The following LRBA variants were observed in gnomAD, a reference collection of about 807,000 sequenced individuals.
LRBA encodes lipopolysaccharide-responsive and beige-like anchor protein.
Under a neutral mutation model 330.0 loss-of-function variants are expected in LRBA, and 176 were observed. The ratio of observed to expected loss-of-function variants is 0.53; its 90% CI spans 0.47 to 0.60. The LOEUF is 0.60. Among genes scored for constraint, LRBA ranks in the 20% least tolerant of loss-of-function variants. The pLI is 0.00. For synonymous variants in LRBA, 1,230 were observed against 1,193.0 expected, an observed-to-expected ratio of 1.03 and a Z score of -0.64; for missense variants, 3,259 against 3,444.8, an observed-to-expected ratio of 0.95 and a Z score of 1.35.
intron 40 of LRBA, among the ~76,000 whole-genome samples, chr4:150,505,812 A>C (rs183076424): frequency 2.0e-5 from 3 of 152,208 alleles, no homozygotes; most frequent in Admixed American, 2.0e-4. Flanking sequence ...TGAAAAGATC[A>C]ACAAAATTAT....
intron 47 of LRBA, among the ~76,000 whole-genome samples, chr4:150,400,269 T>C (rs1745289451): frequency 6.6e-6 from 1 of 152,200 alleles, no homozygotes; most frequent in South Asian, 2.1e-4. Flanking sequence ...ATCCAATTTA[T>C]AAATATCTTC....
chr4:150,317,680 C>T (rs1409688170), intron 50 of LRBA, among the ~76,000 whole-genome samples: 2 of 152,152 alleles, frequency 1.3e-5, no homozygotes, highest in African/African-American at 4.8e-5. Flanking sequence ...TTTCCCTCTA[C>T]TTCTCTGATA....
At chr4:150,953,324 T>C (rs1737065478) in intron 2 of LRBA, among the ~76,000 whole-genome samples, 1 of 151,270 alleles carries the variant, frequency 6.6e-6, no homozygotes, top group South Asian at 2.1e-4. Context: ...ATAAAACAAA[T>C]CTCAATAAAT....
chr4:150,478,529 C>T (rs964081395), intron 42 of LRBA, among the ~76,000 whole-genome samples: 1 of 152,140 alleles, frequency 6.6e-6, no homozygotes, highest in African/African-American at 2.4e-5. Context: ...AATCTCTAAA[C>T]AAGAATGTCT....
intron 51 of LRBA, among the ~76,000 whole-genome samples, chr4:150,312,082 T>C (rs1408994921): frequency 6.6e-6 from 1 of 152,104 alleles, no homozygotes; most frequent in South Asian, 2.1e-4. Context: ...TCTTGGGGGA[T>C]TGGGATGATC....
At chr4:150,633,249 C>G (rs978982782) in intron 37 of LRBA, among the ~76,000 whole-genome samples, 1 of 152,226 alleles carries the variant, frequency 6.6e-6, no homozygotes, top group Admixed American at 6.5e-5. Context: ...AAAAGAGAAC[C>G]TAATTCATAA....
chr4:151,003,506 G>A (rs935940007), intron 2 of LRBA, among the ~76,000 whole-genome samples: 2 of 151,872 alleles, frequency 1.3e-5, no homozygotes, highest in Non-Finnish European at 2.9e-5. Context: ...CACACTACTT[G>A]ACAAGATGTA....
intron 26 of LRBA, among the ~76,000 whole-genome samples, chr4:150,847,731 GTTTT>G (rs893847254): frequency 6.6e-6 from 1 of 152,024 alleles, no homozygotes; most frequent in Non-Finnish European, 1.5e-5. Context: ...GCAAAAAAGG[GTTTT>G]TTTGTTTTGT....
At chr4:150,587,219 T>G (rs1772218454) in intron 40 of LRBA, among the ~76,000 whole-genome samples, 1 of 152,192 alleles carries the variant, frequency 6.6e-6, no homozygotes, top group Non-Finnish European at 1.5e-5. Flanking sequence ...AAAATTCACA[T>G]GATTACAAAA....
intron 44 of LRBA, among the ~76,000 whole-genome samples, chr4:150,451,822 C>T (rs1485096948): frequency 1.3e-5 from 2 of 152,060 alleles, no homozygotes; most frequent in Non-Finnish European, 2.9e-5. Context: ...GAAGGGACAA[C>T]TTAGATGAAA....
chr4:150,757,929 TAAA>T (rs1734532686), intron 35 of LRBA, among the ~76,000 whole-genome samples: 1 of 151,932 alleles, frequency 6.6e-6, no homozygotes, highest in South Asian at 2.1e-4. Flanking sequence ...TATGGGAAGC[TAAA>T]AAATCTCAAC....
At chr4:150,329,232 A>C (rs1733684078) in intron 48 of LRBA, among the ~76,000 whole-genome samples, 1 of 152,188 alleles carries the variant, frequency 6.6e-6, no homozygotes, top group African/African-American at 2.4e-5. Context: ...TTACTTCTTA[A>C]CGAACCTTTC....
At chr4:150,524,341 G>C (rs551068045) in intron 40 of LRBA, among the ~76,000 whole-genome samples, 8 of 152,212 alleles carry the variant, frequency 5.3e-5, no homozygotes, top group African/African-American at 1.9e-4. Flanking sequence ...TTAATCTACA[G>C]GCTTCTTGCA....
intron 34 of LRBA, among the ~76,000 whole-genome samples, chr4:150,792,058 TTA>T (rs886780963): frequency 2.4e-4 from 35 of 144,912 alleles, no homozygotes; most frequent in Admixed American, 7.6e-4. Context: ...AAAAGAAGGC[TTA>T]TTTCTATTTT....
At chr4:150,391,937 T>A (rs12502486) in intron 47 of LRBA, among the ~76,000 whole-genome samples, 21,518 of 123,112 alleles carry the variant, frequency 0.17, 1,629 homozygotes, top group Middle Eastern at 0.22. Context: ...ATAAAAATCC[T>A]AAAATAAGAA....
At chr4:150,584,084 A>G in intron 40 of LRBA, 1 of 1,553,020 alleles carries the variant, frequency 6.4e-7, no homozygotes, top group East Asian at 2.3e-5. Flanking sequence ...ATTCTCACCA[A>G]TCCCAAAAGC....
intron 37 of LRBA, among the ~76,000 whole-genome samples, chr4:150,678,097 C>T (rs1304279519): frequency 1.3e-5 from 2 of 151,830 alleles, no homozygotes; most frequent in Non-Finnish European, 2.9e-5. Flanking sequence ...AAAAAATCAG[C>T]TTAGCATGGG....
chr4:150,305,834 T>G (rs1463542436), intron 52 of LRBA, among the ~76,000 whole-genome samples: 1 of 152,194 alleles, frequency 6.6e-6, no homozygotes, highest in Admixed American at 6.5e-5. Context: ...TCAGCAATAT[T>G]TGTTATTGCT....
chr4:150,784,243 T>C (rs902217369), intron 34 of LRBA, among the ~76,000 whole-genome samples: 7 of 152,224 alleles, frequency 4.6e-5, no homozygotes, highest in African/African-American at 1.7e-4. Flanking sequence ...TATTAAGAAA[T>C]TATTTTAGGC....
Sources: allele counts gnomAD v4.1 joint callset (sites outside exome capture counted in the v4.1 genomes callset), GRCh38; gene constraint gnomAD v4.1.1; transcripts MANE v1.5; gene names NCBI Gene and HGNC (gene_info 2026-07-23, HGNC 2026-07-21).